The following CSMD1 variants were observed in gnomAD, a reference collection of about 807,000 sequenced individuals.
CSMD1 encodes the protein CUB and Sushi multiple domains 1, also known as CUB and sushi domain-containing protein 1.
CSMD1 carries 213 observed loss-of-function variants against 417.5 expected under a neutral mutation model. The ratio of observed to expected loss-of-function variants is 0.51; its 90% confidence interval spans 0.46 to 0.57. The LOEUF (loss-of-function observed/expected upper bound fraction) is 0.57. Ranked by LOEUF, CSMD1 falls within the 20% of genes least tolerant of loss-of-function variation. CSMD1 has a pLI of 0.00. For missense variants in CSMD1, 6,923 were observed against 4,529.7 expected (o/e 1.53, Z -15.17); for synonymous variants, 2,862 against 1,736.8 (o/e 1.65, Z -16.11).
intron 3 of CSMD1, among the ~76,000 whole-genome samples, chr8:4,206,261 T>C (rs11992593): frequency 4.0e-4 from 61 of 152,280 alleles, no homozygotes; most frequent in African/African-American, 1.4e-3. Context: ...TTGTTACATA[T>C]GTATACATGT....
intron 5 of CSMD1, among the ~76,000 whole-genome samples, chr8:3,903,338 A>C (rs965405826): frequency 6.6e-6 from 1 of 152,176 alleles, no homozygotes; most frequent in Non-Finnish European, 1.5e-5. Context: ...CTAAAAAAAA[A>C]AAATGTACTC....
At chr8:3,696,079 G>T (rs888476959) in intron 7 of CSMD1, among the ~76,000 whole-genome samples, 1 of 152,244 alleles carries the variant, frequency 6.6e-6, no homozygotes, top group East Asian at 1.9e-4. Flanking sequence ...TGGGGGACAG[G>T]GAATGAGACA....
intron 38 of CSMD1, 73 bp downstream of exon 38, chr8:3,162,086 G>C (rs1014133717): frequency 3.2e-6 from 3 of 924,730 alleles, no homozygotes; most frequent in Non-Finnish European, 5.2e-6. Flanking sequence ...ACAAAGTGAG[G>C]GCTTTGGCTT....
At chr8:3,779,267 T>A (rs543448869) in intron 5 of CSMD1, among the ~76,000 whole-genome samples, 1 of 152,144 alleles carries the variant, frequency 6.6e-6, no homozygotes, top group South Asian at 2.1e-4. Flanking sequence ...GTATTATCTG[T>A]TTGCTTGAGC....
intron 17 of CSMD1, among the ~76,000 whole-genome samples, chr8:3,389,466 G>A (rs1279451071): frequency 3.9e-5 from 6 of 152,064 alleles, no homozygotes; most frequent in Non-Finnish European, 8.8e-5. Context: ...AAAAGAAGAA[G>A]CTCTGCTGAA....
chr8:4,237,745 T>C (rs574646767), intron 3 of CSMD1, among the ~76,000 whole-genome samples: 26 of 152,288 alleles, frequency 1.7e-4, no homozygotes, highest in Non-Finnish European at 2.9e-4. Flanking sequence ...ATTCTTGGGC[T>C]CAAGTGATCC....
intron 7 of CSMD1, among the ~76,000 whole-genome samples, chr8:3,693,980 G>C (rs1287972494): frequency 1.3e-5 from 2 of 150,702 alleles, no homozygotes; most frequent in Non-Finnish European, 3.0e-5. Flanking sequence ...TTGGGTATGT[G>C]TGTTGTTAGT....
At chr8:4,702,313 A>G (rs1156520901) in intron 1 of CSMD1, among the ~76,000 whole-genome samples, 2 of 152,194 alleles carry the variant, frequency 1.3e-5, no homozygotes, top group African/African-American at 4.8e-5. Context: ...CTGCATGGCC[A>G]TGGGCCTCTG....
At chr8:4,773,025 T>C (rs1456085027) in intron 1 of CSMD1, among the ~76,000 whole-genome samples, 2 of 152,224 alleles carry the variant, frequency 1.3e-5, no homozygotes, top group African/African-American at 2.4e-5. Context: ...GAAATGCTCA[T>C]ACAGGTTGAA....
At chr8:4,605,211 A>G (rs1263823319) in intron 2 of CSMD1, among the ~76,000 whole-genome samples, 1 of 152,218 alleles carries the variant, frequency 6.6e-6, no homozygotes, top group Non-Finnish European at 1.5e-5. Context: ...GCAACCATGG[A>G]CACGTTAACT....
At chr8:4,304,301 A>C in intron 3 of CSMD1, among the ~76,000 whole-genome samples, 1 of 152,316 alleles carries the variant, frequency 6.6e-6, no homozygotes, top group Middle Eastern at 3.4e-3. Context: ...TTCAATATAG[A>C]ATATATAGAA....
chr8:3,212,655 AAG>A (rs773345868), intron 30 of CSMD1, among the ~76,000 whole-genome samples: 5 of 151,636 alleles, frequency 3.3e-5, no homozygotes, highest in Non-Finnish European at 7.4e-5. Flanking sequence ...CACCTGGCCT[AAG>A]TTCTTACTCT....
chr8:4,352,903 T>G (rs988288242), intron 3 of CSMD1, among the ~76,000 whole-genome samples: 5 of 152,214 alleles, frequency 3.3e-5, no homozygotes, highest in Non-Finnish European at 5.9e-5. Flanking sequence ...AAAATGACAC[T>G]AGAAAGATTT....
At chr8:3,573,914 T>C (rs2116934800) in intron 10 of CSMD1, among the ~76,000 whole-genome samples, 1 of 152,190 alleles carries the variant, frequency 6.6e-6, no homozygotes, top group African/African-American at 2.4e-5. Context: ...TATGAAGATG[T>C]CTACCTTATT....
chr8:4,802,037 G>A (rs550004987), intron 1 of CSMD1, among the ~76,000 whole-genome samples: 1 of 152,170 alleles, frequency 6.6e-6, no homozygotes, highest in South Asian at 2.1e-4. Flanking sequence ...ATTTGCAAAG[G>A]GCATTAATGG....
chr8:3,698,870 A>G (rs562651415), intron 7 of CSMD1, among the ~76,000 whole-genome samples: 1 of 152,312 alleles, frequency 6.6e-6, no homozygotes, highest in South Asian at 2.1e-4. Flanking sequence ...TGAGCTTGAA[A>G]CTACATAAGC....
At chr8:4,312,242 T>C (rs1798625879) in intron 3 of CSMD1, among the ~76,000 whole-genome samples, 1 of 151,656 alleles carries the variant, frequency 6.6e-6, no homozygotes, top group South Asian at 2.1e-4. Context: ...TAACTGATCA[T>C]ATTGCAATCC....
At chr8:3,499,465 G>A (rs942117480) in intron 10 of CSMD1, among the ~76,000 whole-genome samples, 3 of 152,244 alleles carry the variant, frequency 2.0e-5, no homozygotes, top group Admixed American at 1.3e-4. Context: ...TCCCTGGGGA[G>A]CATGTGTGAG....
intron 11 of CSMD1, among the ~76,000 whole-genome samples, chr8:3,484,815 T>C (rs1219301269): frequency 6.6e-6 from 1 of 152,214 alleles, no homozygotes; most frequent in Non-Finnish European, 1.5e-5. Context: ...TAAATAAGCA[T>C]CTGACAAAAT....
Sources: gnomAD v4.1 joint callset for allele counts (sites outside exome capture counted in the v4.1 genomes callset) on GRCh38, gnomAD v4.1.1 for gene constraint, MANE v1.5 for transcripts, NCBI Gene and HGNC (gene_info 2026-07-23, HGNC 2026-07-21) for gene names.